The following ARFGEF2 variants were observed in gnomAD, a reference collection of about 807,000 sequenced individuals.
ARFGEF2 encodes the protein ARF guanine nucleotide exchange factor 2.
In ARFGEF2, 74 loss-of-function variants were observed where a neutral mutation model predicts 219.9. The ratio of observed to expected loss-of-function variants is 0.34; its 90% CI spans 0.28 to 0.41. ARFGEF2 has a LOEUF of 0.41. Among genes scored for constraint, ARFGEF2 ranks in the 10% least tolerant of loss-of-function variants. ARFGEF2 has a pLI of 1.00. For missense variants in ARFGEF2, 1,743 were observed against 2,218.3 expected, an observed-to-expected ratio of 0.79 and a Z score of 4.30; for synonymous variants, 733 against 799.2, an observed-to-expected ratio of 0.92 and a Z score of 1.40.
chr20:49,011,942 A>T lies in ARFGEF2; in HGVS notation c.3776A>T (p.His1259Leu). 1 of 1,614,068 alleles carries T rather than the reference A, an allele frequency of 6.2e-7. No individual in the cohort carries two copies. Among genetic ancestry groups the T allele is most frequent in the Non-Finnish European group, 8.5e-7 (1 of 1,180,014 alleles). The change falls in exon 28 of 39, where the codon CAT becomes CTT. Residue 1259 changes from histidine (H) to leucine (L), a missense_variant. Physicochemically the swap from His to Leu is moderately conservative, Grantham distance 99 (BLOSUM62 -3). Coordinates refer to ENST00000371917, the MANE Select transcript of ARFGEF2 (RefSeq NM_006420.3). ...CCCCCAGCAACTATTTTCCAGCACC[A>T]TTTTCCTGCAGCCATCGATTCCTTT... ...CHIVTTIFQHHFPAAIDSFQD... is the reference protein window; with the variant it reads ...CHIVTTIFQHLFPAAIDSFQD...
intron 35 of ARFGEF2, among the ~76,000 whole-genome samples, chr20:49,023,913 T>C (rs1429677758): frequency 2.0e-5 from 3 of 152,138 alleles, no homozygotes; most frequent in African/African-American, 7.2e-5. Context: ...TTCAAGAATT[T>C]CGCTTTTTTT....
intron 7 of ARFGEF2, among the ~76,000 whole-genome samples, chr20:48,964,487 A>G (rs2091176113): frequency 6.6e-6 from 1 of 152,196 alleles, no homozygotes; most frequent in Non-Finnish European, 1.5e-5. Flanking sequence ...TGCCTTGTAG[A>G]TTAGGGGATG....
At chr20:48,992,778 C>T (rs1192058438) in intron 21 of ARFGEF2, among the ~76,000 whole-genome samples, 1 of 152,294 alleles carries the variant, frequency 6.6e-6, no homozygotes, top group East Asian at 1.9e-4. Flanking sequence ...CACAGTGGCT[C>T]ACACCTGTAA....
intron 16 of ARFGEF2, among the ~76,000 whole-genome samples, chr20:48,986,451 A>G (rs1314953439): frequency 1.3e-5 from 2 of 152,032 alleles, no homozygotes; most frequent in East Asian, 3.9e-4. Context: ...CAATATGGTG[A>G]AATCCCGTCT....
chr20:48,929,928 A>G (rs2090902869), intron 1 of ARFGEF2, among the ~76,000 whole-genome samples: 1 of 152,218 alleles, frequency 6.6e-6, no homozygotes, highest in African/African-American at 2.4e-5. Flanking sequence ...ATGACACTGA[A>G]GAGTTTTAAA....
intron 28 of ARFGEF2, among the ~76,000 whole-genome samples, chr20:49,012,958 T>C (rs962478547): frequency 5.9e-5 from 9 of 152,100 alleles, no homozygotes; most frequent in African/African-American, 1.9e-4. Flanking sequence ...ATCCCAGAAA[T>C]AGGGCAGAGA....
At chr20:49,026,843 C>T (rs1006175462) in intron 36 of ARFGEF2, among the ~76,000 whole-genome samples, 1 of 152,126 alleles carries the variant, frequency 6.6e-6, no homozygotes, top group Non-Finnish European at 1.5e-5. Flanking sequence ...ATCTTAGCCT[C>T]CCAAAGTTCT....
chr20:48,979,210 T>G (rs922543951), intron 14 of ARFGEF2, among the ~76,000 whole-genome samples: 2 of 152,212 alleles, frequency 1.3e-5, no homozygotes, highest in African/African-American at 4.8e-5. Context: ...GTTGAAGGCC[T>G]TTTTTGCATC....
At chr20:48,990,871 CA>C (rs1183713702) in intron 20 of ARFGEF2, among the ~76,000 whole-genome samples, 168 bp from the exon 21 acceptor site, 1 of 152,160 alleles carries the variant, frequency 6.6e-6, no homozygotes, top group Non-Finnish European at 1.5e-5. Context: ...CAAGATGTTC[CA>C]AAAGCAAGAG....
intron 23 of ARFGEF2, among the ~76,000 whole-genome samples, chr20:48,997,140 A>G (rs940438597): frequency 4.6e-5 from 7 of 152,120 alleles, no homozygotes; most frequent in African/African-American, 1.7e-4. Context: ...TTAAGTGCAT[A>G]TAATGTCGTG....
In ARFGEF2 at chr20:49,036,403, T is replaced by G. The variant is rs1042336141; in HGVS notation, c.*3204T>G. The G allele has an allele frequency of 2.5e-6, 1 of 395,958 alleles. No individual in the cohort carries two copies. 24.5% of individuals were successfully genotyped at this position (395,958 alleles called of 1,614,324 possible). On this transcript the variant is annotated 3_prime_UTR_variant, in exon 39 of 39. Coordinates refer to ENST00000371917, the MANE Select transcript of ARFGEF2 (RefSeq NM_006420.3). ...TTTTTAAAAAATTTTATCTGCATAT[T>G]TGCATCAAATATTTATGTGTAAAAT...
rs138148103 is a variant in ARFGEF2, at chr20:48,968,600, G to A, written c.1060-547G>A. ...TGGTCTGGAACTCCTTACCTGAACT[G>A]ATCTGCCCACCTTGGCCTCCCAAAG... is the stretch of plus-strand genomic sequence containing the variant. On this transcript the variant is annotated intron_variant, in intron 8 of 38. Transcript: ENST00000371917. Among the ~76,000 whole-genome samples the A allele has an allele frequency of 5.9e-5, 9 of 152,082 alleles. No individual in the cohort carries two copies. In the East Asian group the frequency reaches 1.7e-3, roughly 29 times the overall value.
At chr20:48,938,506 A>C (rs1375332581) in intron 1 of ARFGEF2, among the ~76,000 whole-genome samples, 1 of 152,232 alleles carries the variant, frequency 6.6e-6, no homozygotes, top group Non-Finnish European at 1.5e-5. Context: ...GCTTTCATAT[A>C]GTCAAATCAG....
chr20:49,011,531 T>C (rs1182687590), intron 27 of ARFGEF2, among the ~76,000 whole-genome samples: 1 of 152,220 alleles, frequency 6.6e-6, no homozygotes, highest in African/African-American at 2.4e-5. Context: ...AGAGTTAGTT[T>C]AGTGTCCCCC....
Position 49,033,100 on chromosome 20 carries a change from A to G in ARFGEF2, c.5259A>G (p.Ala1753=). Residue 1753 remains alanine (A), a synonymous_variant, in exon 39 of 39, where the codon GCA becomes GCG. Coordinates refer to ENST00000371917, the MANE Select transcript of ARFGEF2 (RefSeq NM_006420.3). ...MQFDLIPELR[A]VLRKFFLRIG... Reference sequence around the variant, plus strand: ...TTGACCTGATCCCTGAGCTCCGAGCAGTTCTGCGGAAGTTCTTCCTACGGA... The same window carrying G: ...TTGACCTGATCCCTGAGCTCCGAGCGGTTCTGCGGAAGTTCTTCCTACGGA... The G allele has an allele frequency of 6.2e-7, 1 of 1,614,068 alleles. No homozygotes were observed. The highest frequency in any genetic ancestry group is 1.6e-4 in the Middle Eastern group (1 of 6,062).
chr20:48,969,947 A>C (rs1441610673), intron 9 of ARFGEF2, among the ~76,000 whole-genome samples: 3 of 152,154 alleles, frequency 2.0e-5, no homozygotes, highest in African/African-American at 7.2e-5. Context: ...AATTATCTCT[A>C]TTGTTCCTGT....
At chr20:49,018,095 G>C (rs2091542118) in intron 33 of ARFGEF2, among the ~76,000 whole-genome samples, 2 of 152,146 alleles carry the variant, frequency 1.3e-5, no homozygotes, top group Non-Finnish European at 2.9e-5. Context: ...TTTTAATTCA[G>C]ATCTCACTTT....
chr20:48,994,807 G>T (rs544138939), intron 22 of ARFGEF2, among the ~76,000 whole-genome samples: 1 of 152,214 alleles, frequency 6.6e-6, no homozygotes, highest in African/African-American at 2.4e-5. Context: ...AAGTCAGTAG[G>T]GTGCATTACT....
intron 16 of ARFGEF2, among the ~76,000 whole-genome samples, chr20:48,986,023 A>G (rs182811069): frequency 6.6e-6 from 1 of 152,354 alleles, no homozygotes; most frequent in East Asian, 1.9e-4. Context: ...AGCAGGTTAC[A>G]GAAATAGCTA....
Sources: gnomAD v4.1 joint callset for allele counts (sites outside exome capture counted in the v4.1 genomes callset) on GRCh38, gnomAD v4.1.1 for gene constraint, MANE v1.5 for transcripts, NCBI Gene and HGNC (gene_info 2026-07-23, HGNC 2026-07-21) for gene names.